Variants in SOX5 observed in about 807,000 individuals in gnomAD.
SOX5 encodes transcription factor SOX-5.
SOX5 carries 9 observed loss-of-function variants against 92.0 expected under a neutral mutation model. The observed-to-expected ratio is 0.10, with a 90% CI of 0.06 to 0.17. SOX5 has a LOEUF of 0.17. Among genes scored for constraint, SOX5 ranks in the 10% least tolerant of loss-of-function variants. The probability of loss-of-function intolerance (pLI) is 1.00; values close to 1 mark genes in which losing one functional copy is unlikely to be tolerated. For synonymous variants in SOX5, 344 were observed against 336.3 expected (o/e 1.02, Z -0.25); for missense variants, 642 against 944.5 (o/e 0.68, Z 4.20).
intron 4 of SOX5, among the ~76,000 whole-genome samples, chr12:24,204,327 A>ATTTATTATT (rs33920840): frequency 1.3e-5 from 2 of 149,888 alleles, no homozygotes; most frequent in Non-Finnish European, 3.0e-5. Flanking sequence ...TATTATTATT[A>ATTTATTATT]ATTATTATTA....
intron 4 of SOX5, among the ~76,000 whole-genome samples, chr12:23,979,696 A>ATTTTTT (rs1248234590): frequency 1.1e-4 from 3 of 27,428 alleles, no homozygotes; most frequent in Non-Finnish European, 1.5e-4. Context: ...ATATATATAT[A>ATTTTTT]TGTTTTTTTT....
intron 4 of SOX5, among the ~76,000 whole-genome samples, chr12:24,028,487 G>A (rs1592478517): frequency 6.6e-6 from 1 of 152,098 alleles, no homozygotes; most frequent in African/African-American, 2.4e-5. Context: ...GTCCCATAAG[G>A]AGATGTCGCA....
At chr12:23,667,743 A>T (rs1357881638) in intron 6 of SOX5, among the ~76,000 whole-genome samples, 2 of 152,222 alleles carry the variant, frequency 1.3e-5, no homozygotes, top group Non-Finnish European at 2.9e-5. Context: ...TGAAAAATAA[A>T]CCTAATTTCA....
rs1938864881 is a variant in SOX5 at position 23,530,819 on chromosome 12, GCGCGCGCGCGCGCGCGCA to G, written c.*3382_*3399del. 1.0e-5 allele frequency: 1 copy of G among 95,398 alleles called. No homozygotes were observed. The highest frequency in any genetic ancestry group is 2.4e-5 in the Non-Finnish European group (1 of 41,602). The allele number at this position is 95,398 out of a possible 1,614,324, so 5.9% of individuals were successfully genotyped here. ...GGCAAGTGTGTGTGTGTGTGTGTGT[GCGCGCGCGCGCGCGCGCA>G]TGTGAGAGAGAGAGAGAAAGGGAAA... On this transcript the variant is annotated 3_prime_UTR_variant, in exon 15 of 15. Transcript: ENST00000451604.
intron 8 of SOX5, among the ~76,000 whole-genome samples, chr12:23,619,502 C>T (rs1484615857): frequency 6.6e-6 from 1 of 152,092 alleles, no homozygotes; most frequent in Admixed American, 6.6e-5. Context: ...TTTTACAGAG[C>T]TCTTAACTCT....
chr12:23,678,143 T>C (rs1315400275), intron 6 of SOX5, among the ~76,000 whole-genome samples: 1 of 152,154 alleles, frequency 6.6e-6, no homozygotes, highest in Admixed American at 6.6e-5. Context: ...AAATGTGAAA[T>C]ATTTTTGTAA....
chr12:24,357,685 C>G (rs1021126697), intron 2 of SOX5, among the ~76,000 whole-genome samples: 2 of 151,872 alleles, frequency 1.3e-5, no homozygotes, highest in African/African-American at 4.8e-5. Context: ...TCTACTAAAA[C>G]ACAAAATCTT....
At chr12:24,052,114 T>C (rs1385220633) in intron 4 of SOX5, among the ~76,000 whole-genome samples, 2 of 152,184 alleles carry the variant, frequency 1.3e-5, no homozygotes, top group East Asian at 3.9e-4. Context: ...TCAGTCCCTT[T>C]ACTGGCTCTT....
intron 8 of SOX5, among the ~76,000 whole-genome samples, chr12:23,614,939 T>C (rs988384369): frequency 1.3e-5 from 2 of 152,172 alleles, no homozygotes; most frequent in African/African-American, 2.4e-5. Flanking sequence ...GTAGCTGGGA[T>C]TACAGGCGTG....
At chr12:24,201,578 A>G (rs1002011798) in intron 4 of SOX5, among the ~76,000 whole-genome samples, 7 of 152,216 alleles carry the variant, frequency 4.6e-5, no homozygotes. Context: ...TATTTTGAAC[A>G]CAAAAAAACT....
intron 6 of SOX5, among the ~76,000 whole-genome samples, chr12:23,673,230 T>G (rs1488675762): frequency 6.6e-6 from 1 of 152,122 alleles, no homozygotes; most frequent in African/African-American, 2.4e-5. Context: ...TTATTTAAAA[T>G]TGGGTTATTA....
chr12:23,590,756 C>T (rs1484228502), intron 9 of SOX5, among the ~76,000 whole-genome samples: 1 of 152,016 alleles, frequency 6.6e-6, no homozygotes, highest in East Asian at 1.9e-4. Context: ...GTTGTTTTGA[C>T]ATCTTCTAAA....
intron 4 of SOX5, among the ~76,000 whole-genome samples, chr12:24,009,665 AT>A (rs1952692342): frequency 6.6e-6 from 1 of 152,210 alleles, no homozygotes; most frequent in Admixed American, 6.5e-5. Context: ...TGAAACATTC[AT>A]TATTTTATGA....
intron 1 of SOX5, among the ~76,000 whole-genome samples, chr12:24,503,086 A>G (rs1948382073): frequency 1.3e-5 from 2 of 152,240 alleles, no homozygotes; most frequent in Non-Finnish European, 2.9e-5. Flanking sequence ...TAGGAAAGCT[A>G]GTGAAATTAG....
chr12:24,216,209 C>A (rs555921479), intron 3 of SOX5, among the ~76,000 whole-genome samples: 3 of 152,218 alleles, frequency 2.0e-5, no homozygotes, highest in East Asian at 1.9e-4. Context: ...CCCGGCCGGG[C>A]GCGGTGGCTT....
At chr12:24,022,921 TAA>T (rs5797057) in intron 4 of SOX5, among the ~76,000 whole-genome samples, 1,955 of 148,430 alleles carry the variant, frequency 0.013, 19 homozygotes, top group Non-Finnish European at 0.02. Context: ...TGACCATGGG[TAA>T]AAAAAAAAAA....
At position 24,019,488 on chromosome 12, in the gene SOX5, GTTAT is replaced by G. The variant is rs554440812; in HGVS notation, c.-1-123468_-1-123465del. ...TAGGGATCCACTGGCCCATCTTCCT[GTTAT>G]TTGTTTGTTGTTTGTTTATTCTAAG... On this transcript the variant is annotated intron_variant, in intron 4 of 4. Transcript: ENST00000446891. 1.6e-3 allele frequency among the ~76,000 whole-genome samples: 247 copies of G among 152,288 alleles called. 1 individual carries two copies. The highest frequency in any genetic ancestry group is 3.4e-3 in the Middle Eastern group (1 of 294).
Position 24,551,014 on chromosome 12 carries a change from A to C in SOX5, c.-251+11315T>G, listed in dbSNP as rs533677717. On this transcript the variant is annotated intron_variant, in intron 1 of 4. Transcript: ENST00000446891. ...TGCCTCTTCCAACAATGCTGAACCCACTTTTGCAGTCATTACCTTAGCAAA... is the reference window on the plus strand; with the variant it reads ...TGCCTCTTCCAACAATGCTGAACCCCCTTTTGCAGTCATTACCTTAGCAAA... 2.6e-5 allele frequency among the ~76,000 whole-genome samples: 4 copies of C among 152,268 alleles called. No individual in the cohort carries two copies. The East Asian group carries it at 7.7e-4, about 29-fold the overall frequency.
chr12:23,661,175 T>G (rs966807338), intron 7 of SOX5, among the ~76,000 whole-genome samples: 3 of 152,218 alleles, frequency 2.0e-5, no homozygotes, highest in Admixed American at 6.5e-5. Flanking sequence ...TCATGCGGAT[T>G]TTTAAAATTT....
Sources: gnomAD v4.1 joint callset for allele counts (sites outside exome capture counted in the v4.1 genomes callset) on GRCh38, gnomAD v4.1.1 for gene constraint, MANE v1.5 for transcripts, NCBI Gene and HGNC (gene_info 2026-07-23, HGNC 2026-07-21) for gene names.